The following PGLYRP3 variants were observed in gnomAD, a reference collection of about 807,000 sequenced individuals.
The protein encoded by PGLYRP3 is peptidoglycan recognition protein 3.
A neutral mutation model predicts 36.0 loss-of-function variants in PGLYRP3; 39 were observed. The observed-to-expected ratio is 1.08, with a 90% CI of 0.84 to 1.41. The LOEUF (loss-of-function observed/expected upper bound fraction) is 1.41, where lower values mean the gene tolerates loss of function less well. PGLYRP3 is among the 40% of genes most tolerant of loss of function. The probability of loss-of-function intolerance (pLI) is 0.00; values close to 1 mark genes in which losing one functional copy is unlikely to be tolerated. For missense variants in PGLYRP3, 407 were observed against 427.9 expected (o/e 0.95, Z 0.43); for synonymous variants, 204 against 172.8 (o/e 1.18, Z -1.42).
chr1:153,301,006 C>A (rs1460184862), intron 6 of PGLYRP3, among the ~76,000 whole-genome samples: 4 of 152,334 alleles, frequency 2.6e-5, no homozygotes, highest in African/African-American at 7.2e-5. Context: ...CCTCAAACTA[C>A]TAGGCTCAAG....
chr1:153,301,076 C>T (rs940495604), intron 6 of PGLYRP3, among the ~76,000 whole-genome samples: 2 of 152,124 alleles, frequency 1.3e-5, no homozygotes, highest in African/African-American at 4.8e-5. Flanking sequence ...CATGTCACCA[C>T]ACCCAGCTAA....
chr1:153,308,504 G>T lies in PGLYRP3; in HGVS notation c.56-1237C>A, dbSNP rs189041805. Among the ~76,000 whole-genome samples, 9 of 152,196 alleles carry T rather than the reference G, an allele frequency of 5.9e-5. No individual in the cohort carries two copies. The East Asian group carries it at 1.7e-3, about 29-fold the overall frequency. On this transcript the variant is annotated intron_variant, in intron 2 of 7. Coordinates refer to ENST00000683862, the MANE Select transcript of PGLYRP3 (RefSeq NM_052891.3). ...AGAAGCCCCAGCCAATCTCCAAACC[G>T]CCTCACCATTGCGACCCTTGTGAAT...
chr1:153,303,819 TG>T, intron 5 of PGLYRP3, 37 bp downstream of exon 5: 1 of 1,577,426 alleles, frequency 6.3e-7, no homozygotes. Flanking sequence ...GGCTAGGTGG[TG>T]ACGAGGAGGA....
At chr1:153,309,309 T>A (rs1659840115) in intron 2 of PGLYRP3, among the ~76,000 whole-genome samples, 1 of 152,238 alleles carries the variant, frequency 6.6e-6, no homozygotes, top group Non-Finnish European at 1.5e-5. Flanking sequence ...GCAACTATGC[T>A]GTCTATAGAG....
chr1:153,307,016 C>T lies in PGLYRP3; in HGVS notation c.257+50G>A, dbSNP rs748606266. The T allele has an allele frequency of 2.6e-6, 4 of 1,566,486 alleles. No homozygotes were observed. The South Asian group carries it at 3.4e-5, about 13-fold the overall frequency. On this transcript the variant is annotated intron_variant, in intron 3 of 7. Coordinates refer to ENST00000683862, the MANE Select transcript of PGLYRP3 (RefSeq NM_052891.3). ...GCCACAGAGAAGGGGAAGTGGGAAG[C>T]ACCCCCGTGACTTTGGATGTGGGCC...
Position 153,304,979 on chromosome 1 carries a change from G to T in PGLYRP3, c.344C>A (p.Ser115Tyr). 1 of 1,613,922 alleles carries T rather than the reference G, an allele frequency of 6.2e-7. No individual in the cohort carries two copies. Among genetic ancestry groups the T allele is most frequent in the Non-Finnish European group, 8.5e-7 (1 of 1,179,892 alleles). ...ATTGCCAAAGAAGGCGATGCCCAGG[G>T]AAATGTTGTTGTAGCCCTGGGTGTG... Reference protein sequence around the residue: ...GLHTQGYNNISLGIAFFGNKI... With the variant: ...GLHTQGYNNIYLGIAFFGNKI... Residue 115 changes from serine to tyrosine, a missense_variant, in exon 4 of 8, where the codon TCC becomes TAC. Coordinates refer to ENST00000683862, the MANE Select transcript of PGLYRP3 (RefSeq NM_052891.3).
intron 2 of PGLYRP3, 28 bp from the exon 3 acceptor site, chr1:153,307,295 T>G (rs1281738874): frequency 9.0e-6 from 14 of 1,556,634 alleles, no homozygotes; most frequent in Non-Finnish European, 1.2e-5. Flanking sequence ...GAATGGCACA[T>G]AGCAGGCCCT....
chr1:153,297,597 A>AAAGAAAG lies in PGLYRP3; in HGVS notation c.*352_*358dup. Among the ~76,000 whole-genome samples, 1 of 151,288 alleles carries AAAGAAAG rather than the reference A, an allele frequency of 6.6e-6. No individual in the cohort carries two copies. Among genetic ancestry groups the AAAGAAAG allele is most frequent in the African/African-American group, 2.4e-5 (1 of 40,942 alleles). On this transcript the variant is annotated 3_prime_UTR_variant, in exon 8 of 8. Transcript: ENST00000683862. ...AGAAAGAAAGAAGAAAGAAAGAAAG[A>AAAGAAAG]AAGAAAGAGAAAGGAAGCAAAGAAA...
rs148920280 is a variant in PGLYRP3 at position 153,310,700 on chromosome 1, G to A, written c.-35C>T. ...GGACTCTGACCGGGAGAGTGTGGAC[G>A]GCAGCCCTGGAAGAGAGGCTAACAG... On this transcript the variant is annotated 5_prime_UTR_variant, in exon 2 of 8. Transcript: ENST00000683862. 7 of 1,598,496 alleles carry A rather than the reference G, an allele frequency of 4.4e-6. No individual in the cohort carries two copies. Among genetic ancestry groups the A allele is most frequent in the Admixed American group, 3.4e-5 (2 of 59,546 alleles).
rs760562106 is a variant in PGLYRP3, at chr1:153,302,458, T to C, written c.679A>G (p.Ile227Val). Residue 227 changes from isoleucine to valine, a missense_variant, in exon 6 of 8, where the codon ATA (isoleucine) becomes GTA (valine). Coordinates refer to ENST00000683862, the MANE Select transcript of PGLYRP3 (RefSeq NM_052891.3). Reference sequence around the variant, plus strand: ...CGTGTGTCCATGTGAAAGGACTGTATGTTTCGGACGACAGTCTGGCAGTCT... The same window carrying C: ...CGTGTGTCCATGTGAAAGGACTGTACGTTTCGGACGACAGTCTGGCAGTCT... The part of the protein sequence containing the change: ...STDCQTVVRN[I>V]QSFHMDTRNF... 6.2e-7 allele frequency: 1 copy of C among 1,614,214 alleles called. No homozygotes were observed. The highest frequency in any genetic ancestry group is 1.1e-5 in the South Asian group (1 of 91,088).
chr1:153,303,694 A>G (rs964867525), intron 5 of PGLYRP3, among the ~76,000 whole-genome samples, 163 bp downstream of exon 5: 16 of 152,374 alleles, frequency 1.1e-4, no homozygotes, highest in African/African-American at 3.6e-4. Flanking sequence ...AGAGGAGGCC[A>G]GGAAGATGCC....
intron 6 of PGLYRP3, among the ~76,000 whole-genome samples, chr1:153,300,732 C>T (rs184159675): frequency 3.4e-4 from 51 of 152,064 alleles, no homozygotes; most frequent in Non-Finnish European, 6.2e-4. Context: ...TCACCTCCCG[C>T]GATAAGTTCC....
chr1:153,299,100 G>T lies in PGLYRP3; in HGVS notation c.847+13C>A. On this transcript the variant is annotated intron_variant, in intron 7 of 7. Transcript: ENST00000683862. The stretch of plus-strand genomic sequence containing the variant: ...AACCCCCAGCACCCCTCTACCCCAT[G>T]CTCACCCCTTACCTACAAAGTAGCC... The T allele has an allele frequency of 1.2e-6, 2 of 1,607,070 alleles. No individual in the cohort carries two copies. Among genetic ancestry groups the T allele is most frequent in the Non-Finnish European group, 1.7e-6 (2 of 1,173,672 alleles).
intron 6 of PGLYRP3, among the ~76,000 whole-genome samples, chr1:153,299,680 C>T (rs1659538521): frequency 6.6e-6 from 1 of 152,164 alleles, no homozygotes; most frequent in South Asian, 2.1e-4. Flanking sequence ...TAGTCTAGGC[C>T]ATTCTCTCAC....
chr1:153,306,812 G>A, intron 3 of PGLYRP3, among the ~76,000 whole-genome samples: 1 of 152,186 alleles, frequency 6.6e-6, no homozygotes. Flanking sequence ...AGTTAAAACT[G>A]CAGTTGTTAC....
chr1:153,311,848 A>G (rs1659902813), intron 1 of PGLYRP3, among the ~76,000 whole-genome samples: 1 of 152,248 alleles, frequency 6.6e-6, no homozygotes, highest in Admixed American at 6.5e-5. Context: ...AGGACAAGCA[A>G]CCACTTAGCA....
chr1:153,303,801 C>G, intron 5 of PGLYRP3, 56 bp downstream of exon 5: 1 of 1,546,798 alleles, frequency 6.5e-7, no homozygotes, highest in Non-Finnish European at 8.8e-7. Context: ...AAACATGACT[C>G]CAAACATGGC....
Position 153,302,575 on chromosome 1 carries a change from C to G in PGLYRP3, c.562G>C (p.Glu188Gln). ...TTAGGGCAGTGTGTCTCTCTGGCTTCCCAAGCAGATCGTTTGATGATGTTG... is the reference window on the plus strand; with the variant it reads ...TTAGGGCAGTGTGTCTCTCTGGCTTGCCAAGCAGATCGTTTGATGATGTTG... ...CPNIIKRSAW[E>Q]ARETHCPKMN... Residue 188 changes from glutamate (E) to glutamine (Q), a missense_variant, in exon 6 of 8, where the codon GAA becomes CAA. By Grantham distance (29) the Glu-to-Gln change is conservative (BLOSUM62 2). Transcript: ENST00000683862. 1 of 1,614,116 alleles carries G rather than the reference C, an allele frequency of 6.2e-7. No individual in the cohort carries two copies. The highest frequency in any genetic ancestry group is 8.5e-7 in the Non-Finnish European group (1 of 1,180,016).
chr1:153,307,792 T>C (rs1212100897), intron 2 of PGLYRP3, among the ~76,000 whole-genome samples: 1 of 151,982 alleles, frequency 6.6e-6, no homozygotes, highest in East Asian at 1.9e-4. Flanking sequence ...AAACACGGGG[T>C]CTGCACCTCT....
Sources: gnomAD v4.1 joint callset for allele counts (sites outside exome capture counted in the v4.1 genomes callset) on GRCh38, gnomAD v4.1.1 for gene constraint, MANE v1.5 for transcripts, NCBI Gene and HGNC (gene_info 2026-07-23, HGNC 2026-07-21) for gene names.